PCDHAC1: variants seen among roughly 807,000 people sequenced by gnomAD.
The protein encoded by PCDHAC1 is protocadherin alpha-C1.
In PCDHAC1, 42 loss-of-function variants were observed where a neutral mutation model predicts 60.0. That is an observed-to-expected ratio of 0.70 (90% confidence interval 0.55 to 0.90). PCDHAC1 has a LOEUF of 0.90. Among genes scored for constraint, PCDHAC1 ranks in the 40% least tolerant of loss-of-function variants. The pLI is 0.00. For missense variants in PCDHAC1, 1,160 were observed against 1,222.3 expected (o/e 0.95, Z 0.76); for synonymous variants, 468 against 499.3 (o/e 0.94, Z 0.84).
At chr5:140,931,675 A>G (rs2087672558) in intron 1 of PCDHAC1, among the ~76,000 whole-genome samples, 1 of 151,968 alleles carries the variant, frequency 6.6e-6, no homozygotes, top group Admixed American at 6.5e-5. Context: ...TTCCTTATAA[A>G]TAAATGAATT....
chr5:140,977,163 AATG>A (rs1554238313), intron 1 of PCDHAC1, among the ~76,000 whole-genome samples: 2 of 152,198 alleles, frequency 1.3e-5, no homozygotes, highest in Non-Finnish European at 2.9e-5. Flanking sequence ...CTTTCAGCAA[AATG>A]AGTTTGATGA....
chr5:140,929,306 A>G lies in PCDHAC1; in HGVS notation c.2414A>G (p.His805Arg), dbSNP rs781950847. 9 of 1,572,580 alleles carry G rather than the reference A, an allele frequency of 5.7e-6. No homozygotes were observed. The Admixed American group carries it at 9.0e-5, about 16-fold the overall frequency. The change falls in exon 1 of 4, where the codon CAC becomes CGC. Residue 805 changes from histidine to arginine, a missense_variant. His to Arg is a conservative substitution (Grantham distance 29, BLOSUM62 0). This residue lies in a region of PCDHAC1 where 1,113 missense variants were observed against 1,163.7 expected (regional missense o/e 0.96). Coordinates refer to ENST00000253807, the MANE Select transcript of PCDHAC1 (RefSeq NM_018898.5). The stretch of plus-strand genomic sequence containing the variant: ...CAGATTCGGAATAGGAAAGGGGATC[A>G]CGCTAATGTCAATGCCATGGTAAGC... ...CIQIRNRKGDHANVNAMPRQP... is the reference protein window; with the variant it reads ...CIQIRNRKGDRANVNAMPRQP...
Position 140,979,960 on chromosome 5 carries a change from C to T in PCDHAC1, c.2492+953C>T, listed in dbSNP as rs2096871601. 2.0e-5 allele frequency among the ~76,000 whole-genome samples: 3 copies of T among 152,266 alleles called. No homozygotes were observed. The South Asian group carries it at 6.2e-4, about 32-fold the overall frequency. ...AGAGTTAATGTGAAATTAGTTTTAG[C>T]CCATTAAAATGCATTAGATTGAAAT... On this transcript the variant is annotated intron_variant, in intron 2 of 3. Coordinates refer to ENST00000253807, the MANE Select transcript of PCDHAC1 (RefSeq NM_018898.5).
intron 3 of PCDHAC1, among the ~76,000 whole-genome samples, chr5:140,993,826 C>T (rs1401311421): frequency 1.3e-5 from 2 of 152,134 alleles, no homozygotes; most frequent in African/African-American, 4.8e-5. Context: ...ATAGGCTATA[C>T]CATATAGCCT....
rs1554262721 is a variant in PCDHAC1, at chr5:141,010,165, GA to G, written c.*230del. ...TTCTCTCCACTCTGGCTTGTTTTCA[GA>G]ACCTAAAAAGCAGACCCAAGTTTCC... On this transcript the variant is annotated 3_prime_UTR_variant, in exon 4 of 4. Coordinates refer to ENST00000253807, the MANE Select transcript of PCDHAC1 (RefSeq NM_018898.5). The G allele has an allele frequency of 1.9e-6, 3 of 1,563,714 alleles. No homozygotes were observed.
chr5:140,954,836 A>T (rs1185482098), intron 1 of PCDHAC1, among the ~76,000 whole-genome samples: 1 of 152,086 alleles, frequency 6.6e-6, no homozygotes, highest in Non-Finnish European at 1.5e-5. Context: ...TTTGTCATGA[A>T]ATCTTTGCCT....
At chr5:140,999,444 C>A (rs782553983) in intron 3 of PCDHAC1, among the ~76,000 whole-genome samples, 25 of 152,210 alleles carry the variant, frequency 1.6e-4, no homozygotes, top group Non-Finnish European at 3.1e-4. Flanking sequence ...GCCTCTTATT[C>A]GTTCAACGAA....
Position 141,011,440 on chromosome 5 carries a change from T to G in PCDHAC1, c.*1503T>G, listed in dbSNP as rs2098420601. 1 of 153,808 alleles carries G rather than the reference T, an allele frequency of 6.5e-6. No individual in the cohort carries two copies. Among genetic ancestry groups the G allele is most frequent in the Admixed American group, 6.5e-5 (1 of 15,282 alleles). 9.5% of individuals were successfully genotyped at this position (153,808 alleles called of 1,614,324 possible). A position where few individuals can be genotyped will look rare whatever the true frequency, so the allele number is the denominator to read the frequency against. Reference sequence around the variant, plus strand: ...ATGTTAATGCAACTATTACCTAGAGTGAACTTTAAGCTTTATTGTTGAATG... The same window carrying G: ...ATGTTAATGCAACTATTACCTAGAGGGAACTTTAAGCTTTATTGTTGAATG... On this transcript the variant is annotated 3_prime_UTR_variant, in exon 4 of 4. Transcript: ENST00000253807.
intron 3 of PCDHAC1, among the ~76,000 whole-genome samples, chr5:141,005,998 G>A (rs1289174174): frequency 1.3e-5 from 2 of 151,618 alleles, no homozygotes; most frequent in Non-Finnish European, 2.9e-5. Flanking sequence ...GGATCTGAAA[G>A]AAGGCCTGTA....
At chr5:140,937,386 G>T (rs1450799946) in intron 1 of PCDHAC1, among the ~76,000 whole-genome samples, 2 of 152,092 alleles carry the variant, frequency 1.3e-5, no homozygotes, top group African/African-American at 4.8e-5. Context: ...GTGTGTATGT[G>T]TATATAGGGG....
chr5:141,011,104 C>A lies in PCDHAC1; in HGVS notation c.*1167C>A, dbSNP rs1396728499. On this transcript the variant is annotated 3_prime_UTR_variant, in exon 4 of 4. Transcript: ENST00000253807. ...GATCTCTCTTTCTCTCTCTCTCTCT[C>A]TTTTCTAAGAAACAATTATGTGCAC... is the stretch of plus-strand genomic sequence containing the variant. 6.5e-6 allele frequency: 1 copy of A among 153,726 alleles called. No individual in the cohort carries two copies. The highest frequency in any genetic ancestry group is 1.5e-5 in the Non-Finnish European group (1 of 68,028). The allele number at this position is 153,726 out of a possible 1,614,324, so 9.5% of individuals were successfully genotyped here. A position where few individuals can be genotyped will look rare whatever the true frequency, so the allele number is the denominator to read the frequency against.
intron 3 of PCDHAC1, among the ~76,000 whole-genome samples, chr5:140,988,079 G>A (rs1431334458): frequency 6.6e-6 from 1 of 152,188 alleles, no homozygotes; most frequent in Non-Finnish European, 1.5e-5. Flanking sequence ...TATTTCATGA[G>A]TGAGTGCAGC....
At position 140,973,042 on chromosome 5, in the gene PCDHAC1, T is replaced by C. The variant is rs78535788; in HGVS notation, c.2434-5907T>C. Among the ~76,000 whole-genome samples the C allele has an allele frequency of 5.1e-3, 779 of 152,252 alleles. 6 individuals carry two copies. Among genetic ancestry groups the C allele is most frequent in the African/African-American group, 0.018 (740 of 41,542 alleles). ...TGTTAATGAGTCACTTTGAGTACTCTAGTAGATTTGTCCAACAGTGTCTCA... is the reference window on the plus strand; with the variant it reads ...TGTTAATGAGTCACTTTGAGTACTCCAGTAGATTTGTCCAACAGTGTCTCA... On this transcript the variant is annotated intron_variant, in intron 1 of 3. Transcript: ENST00000253807.
Position 140,927,349 on chromosome 5 carries a change from G to T in PCDHAC1, c.457G>T (p.Glu153Ter). 6.2e-7 allele frequency: 1 copy of T among 1,614,016 alleles called. No individual in the cohort carries two copies. Among genetic ancestry groups the T allele is most frequent in the Non-Finnish European group, 8.5e-7 (1 of 1,179,872 alleles). Reference protein sequence around the residue: ...FTLPNAQDDDEGSNGILSYSL... With the variant: ...FTLPNAQDDD ...TCTCCCGAATGCCCAAGATGACGAC[G>T]AGGGAAGCAATGGGATACTAAGCTA... The change falls in exon 1 of 4, where the codon GAG (glutamate) becomes TAG (stop). Residue 153 changes from glutamate (E) to a stop codon, truncating the protein, a stop_gained. Transcript: ENST00000253807. LOFTEE classifies it high-confidence loss of function.
intron 1 of PCDHAC1, among the ~76,000 whole-genome samples, chr5:140,948,267 A>G (rs964252489): frequency 1.3e-5 from 2 of 151,646 alleles, no homozygotes. Flanking sequence ...GTGTTCATGT[A>G]GAATATCTGT....
intron 1 of PCDHAC1, among the ~76,000 whole-genome samples, chr5:140,958,944 T>G (rs199974895): frequency 1.0e-5 from 1 of 100,018 alleles, no homozygotes; most frequent in African/African-American, 4.8e-5. Context: ...TGTAATAATA[T>G]TATATTATTA....
chr5:140,928,687 C>A lies in PCDHAC1; in HGVS notation c.1795C>A (p.His599Asn), dbSNP rs782599747. Residue 599 changes from histidine to asparagine, a missense_variant, in exon 1 of 4, where the codon CAC becomes AAC. By Grantham distance (68) the His-to-Asn change is moderately conservative. Transcript: ENST00000253807. ...TGGTTCTAATGCCTGGCTTTCCTAC[C>A]ACATCTCCCGGGCGTCTGACTCTAG... ...DSGSNAWLSY[H>N]ISRASDSSLF... The A allele has an allele frequency of 6.2e-7, 1 of 1,614,142 alleles. No individual in the cohort carries two copies.
intron 3 of PCDHAC1, among the ~76,000 whole-genome samples, chr5:140,996,553 A>C (rs868960335): frequency 1.3e-5 from 2 of 152,172 alleles, no homozygotes; most frequent in African/African-American, 2.4e-5. Flanking sequence ...TGCTGTCACT[A>C]TCTTGAAGTT....
intron 1 of PCDHAC1, among the ~76,000 whole-genome samples, chr5:140,973,020 T>A (rs1057155557): frequency 6.6e-6 from 1 of 152,120 alleles, no homozygotes; most frequent in Non-Finnish European, 1.5e-5. Flanking sequence ...TTGTGATTGT[T>A]AATGAGTCAC....
Sources: allele counts gnomAD v4.1 joint callset (sites outside exome capture counted in the v4.1 genomes callset), GRCh38; gene constraint gnomAD v4.1.1; regional missense constraint gnomAD v4.1.1; transcripts MANE v1.5; gene names NCBI Gene and HGNC (gene_info 2026-07-23, HGNC 2026-07-21).